Variants in SEC24A observed in about 807,000 individuals in gnomAD.
The protein encoded by SEC24A is SEC24 homolog A, COPII component.
Under a neutral mutation model 129.4 loss-of-function variants are expected in SEC24A, and 93 were observed. The ratio of observed to expected loss-of-function variants is 0.72; its 90% CI spans 0.61 to 0.85. SEC24A has a LOEUF of 0.85. SEC24A is among the 40% of genes least tolerant of loss of function. The pLI is 0.00. For synonymous variants in SEC24A, 460 were observed against 467.3 expected (o/e 0.98, Z 0.20); for missense variants, 1,264 against 1,307.4 (o/e 0.97, Z 0.51).
chr5:134,688,470 G>C (rs185388244), intron 11 of SEC24A, among the ~76,000 whole-genome samples, 171 bp downstream of exon 11: 241 of 152,234 alleles, frequency 1.6e-3, no homozygotes, highest in Middle Eastern at 3.4e-3. Flanking sequence ...TTTTATGGAG[G>C]AGGAAATGGG....
intron 8 of SEC24A, 107 bp downstream of exon 8, chr5:134,679,835 A>T: frequency 1.4e-6 from 1 of 739,240 alleles, no homozygotes; most frequent in Non-Finnish European, 1.9e-6. Flanking sequence ...ATTTACCTCT[A>T]GTCAATCCTT....
intron 21 of SEC24A, among the ~76,000 whole-genome samples, chr5:134,722,014 CTG>C (rs913107816): frequency 6.6e-6 from 1 of 152,146 alleles, no homozygotes; most frequent in African/African-American, 2.4e-5. Context: ...TTAATAATAA[CTG>C]AACGAATCAA....
Position 134,649,047 on chromosome 5 carries a change from C to G in SEC24A, c.-30C>G, listed in dbSNP as rs781566874. On this transcript the variant is annotated 5_prime_UTR_variant, in exon 1 of 23. Coordinates refer to ENST00000398844, the MANE Select transcript of SEC24A (RefSeq NM_021982.3). Reference sequence around the variant, plus strand: ...CTCTCTTCTTGTGCGCTGTTGTCGACCCCGACCAGCCCCTTCCAACCCAGT... The same window carrying G: ...CTCTCTTCTTGTGCGCTGTTGTCGAGCCCGACCAGCCCCTTCCAACCCAGT... The G allele has an allele frequency of 3.2e-6, 5 of 1,555,656 alleles. No individual in the cohort carries two copies. Among genetic ancestry groups the G allele is most frequent in the African/African-American group, 1.4e-5 (1 of 73,350 alleles).
chr5:134,686,586 C>G (rs1751460457), intron 9 of SEC24A, among the ~76,000 whole-genome samples: 1 of 152,182 alleles, frequency 6.6e-6, no homozygotes, highest in Non-Finnish European at 1.5e-5. Context: ...AGAGAAAACA[C>G]TCTTCTGAAT....
chr5:134,662,379 C>A (rs1185552956), intron 2 of SEC24A, among the ~76,000 whole-genome samples: 1 of 152,068 alleles, frequency 6.6e-6, no homozygotes, highest in Admixed American at 6.6e-5. Context: ...TGGTCTCGAT[C>A]TCCTGACCTC....
At chr5:134,674,112 G>A (rs1464771173) in intron 4 of SEC24A, among the ~76,000 whole-genome samples, 3 of 151,850 alleles carry the variant, frequency 2.0e-5, no homozygotes, top group Admixed American at 6.6e-5. Context: ...CAGCCTGGGC[G>A]ACAGAGTGAG....
chr5:134,682,755 CAG>C (rs1396880077), intron 9 of SEC24A, among the ~76,000 whole-genome samples: 1 of 151,444 alleles, frequency 6.6e-6, no homozygotes, highest in Non-Finnish European at 1.5e-5. Context: ...TTATTAGAGA[CAG>C]AGTTTTGCTA....
chr5:134,687,836 G>T (rs902828725), intron 10 of SEC24A, among the ~76,000 whole-genome samples: 8 of 152,074 alleles, frequency 5.3e-5, no homozygotes, highest in Admixed American at 1.3e-4. Flanking sequence ...ATATTTTGAA[G>T]CATGCTTTAT....
chr5:134,658,172 G>A (rs1308218791), intron 1 of SEC24A, among the ~76,000 whole-genome samples: 4 of 152,158 alleles, frequency 2.6e-5, no homozygotes, highest in Non-Finnish European at 5.9e-5. Context: ...GAGGCTGAAT[G>A]AGGCAGGAGA....
At chr5:134,689,706 G>A (rs1561818818) in intron 11 of SEC24A, among the ~76,000 whole-genome samples, 1 of 151,386 alleles carries the variant, frequency 6.6e-6, no homozygotes, top group Non-Finnish European at 1.5e-5. Flanking sequence ...GGAGCTTGCA[G>A]CAAGCCGAGA....
intron 11 of SEC24A, among the ~76,000 whole-genome samples, chr5:134,690,576 A>T (rs1181862418): frequency 6.6e-6 from 1 of 152,090 alleles, no homozygotes; most frequent in African/African-American, 2.4e-5. Flanking sequence ...CATCCTCCCA[A>T]AGTGTTGAGA....
At chr5:134,693,155 A>G in intron 12 of SEC24A, 2 of 1,535,620 alleles carry the variant, frequency 1.3e-6, no homozygotes, top group Non-Finnish European at 1.7e-6. Context: ...GTACATGCAT[A>G]TATGCCGTAG....
intron 18 of SEC24A, among the ~76,000 whole-genome samples, chr5:134,713,557 T>C (rs1307222565): frequency 1.3e-5 from 2 of 152,324 alleles, no homozygotes; most frequent in East Asian, 1.9e-4. Context: ...TAGTATATAA[T>C]AGACAATCAG....
chr5:134,675,947 C>A, intron 6 of SEC24A, 76 bp from the exon 7 acceptor site: 1 of 997,270 alleles, frequency 1.0e-6, no homozygotes, highest in Non-Finnish European at 1.5e-6. Flanking sequence ...AAATGTATAC[C>A]TTTTAAATCT....
At chr5:134,673,882 T>C (rs1201509091) in intron 4 of SEC24A, among the ~76,000 whole-genome samples, 3 of 152,126 alleles carry the variant, frequency 2.0e-5, no homozygotes, top group Non-Finnish European at 4.4e-5. Context: ...TGGCCTGTAA[T>C]CCTATCTTCG....
chr5:134,671,495 A>G (rs1192415191), intron 3 of SEC24A, among the ~76,000 whole-genome samples: 1 of 152,186 alleles, frequency 6.6e-6, no homozygotes, highest in Non-Finnish European at 1.5e-5. Context: ...ATAAAGAACC[A>G]TCTTTTGCTA....
intron 11 of SEC24A, among the ~76,000 whole-genome samples, chr5:134,690,492 T>G (rs1198021834): frequency 6.6e-6 from 1 of 152,160 alleles, no homozygotes; most frequent in African/African-American, 2.4e-5. Context: ...TTTTAAAATT[T>G]CTTGTAGAGG....
At chr5:134,660,235 G>A (rs981254753) in intron 1 of SEC24A, among the ~76,000 whole-genome samples, 1 of 151,584 alleles carries the variant, frequency 6.6e-6, no homozygotes, top group East Asian at 1.9e-4. Context: ...GCGTGGTGGT[G>A]CATGCCTGTA....
At chr5:134,696,095 C>T (rs1352375028) in intron 13 of SEC24A, among the ~76,000 whole-genome samples, 2 of 151,280 alleles carry the variant, frequency 1.3e-5, no homozygotes, top group East Asian at 2.0e-4. Flanking sequence ...GATGAAATCC[C>T]GTCTCTACTA....
Sources: allele counts gnomAD v4.1 joint callset (sites outside exome capture counted in the v4.1 genomes callset), GRCh38; gene constraint gnomAD v4.1.1; transcripts MANE v1.5; gene names NCBI Gene and HGNC (gene_info 2026-07-23, HGNC 2026-07-21).